SYT16: variants seen among roughly 807,000 people sequenced by gnomAD.
SYT16 encodes the protein synaptotagmin-16.
A neutral mutation model predicts 61.4 loss-of-function variants in SYT16; 42 were observed. The ratio of observed to expected loss-of-function variants is 0.68; its 90% CI spans 0.53 to 0.89. The LOEUF is 0.89. Among genes scored for constraint, SYT16 ranks in the 40% least tolerant of loss-of-function variants. SYT16 has a pLI of 0.00. For missense variants in SYT16, 804 were observed against 807.3 expected (o/e 1.00, Z 0.05); for synonymous variants, 314 against 302.3 (o/e 1.04, Z -0.40).
chr14:62,068,837 C>T (rs1320040351), intron 3 of SYT16, among the ~76,000 whole-genome samples: 4 of 152,038 alleles, frequency 2.6e-5, no homozygotes, highest in South Asian at 2.1e-4. Context: ...ACTCTGTCAC[C>T]GAGGCTGGAG....
intron 3 of SYT16, among the ~76,000 whole-genome samples, chr14:62,036,290 AG>A (rs1219904735): frequency 6.6e-6 from 1 of 152,122 alleles, no homozygotes; most frequent in Non-Finnish European, 1.5e-5. Flanking sequence ...ATCTGAAAAA[AG>A]AAAAGAGGTA....
chr14:61,888,119 TC>T (rs1412837879), intron 1 of SYT16, among the ~76,000 whole-genome samples: 1 of 148,098 alleles, frequency 6.8e-6, no homozygotes, highest in Non-Finnish European at 1.5e-5. Context: ...TAATTTCTTT[TC>T]TTTTCTTTTT....
chr14:61,832,045 A>G, intron 1 of SYT16: 1 of 707,502 alleles, frequency 1.4e-6, no homozygotes, highest in Admixed American at 2.0e-5. Flanking sequence ...CCAAGGAAGA[A>G]CATGGCAGCG....
intron 3 of SYT16, among the ~76,000 whole-genome samples, chr14:62,063,082 G>C (rs930610802): frequency 2.0e-5 from 3 of 152,200 alleles, no homozygotes; most frequent in Non-Finnish European, 4.4e-5. Context: ...TCCAGGCAGT[G>C]TTGTTAGCTC....
At chr14:61,942,392 T>A (rs974891115) in intron 1 of SYT16, among the ~76,000 whole-genome samples, 2 of 152,214 alleles carry the variant, frequency 1.3e-5, no homozygotes, top group African/African-American at 4.8e-5. Context: ...GTCAGGCTAG[T>A]TTACCATGTT....
In SYT16 at chr14:62,108,983, C is replaced by A. The variant is rs959635801; in HGVS notation, c.*8276C>A. ...TTCTTCCCCGTGAACATTTTGAACA[C>A]CACAGTGCTATATTTGTTACAACTG... On this transcript the variant is annotated 3_prime_UTR_variant, in exon 8 of 8. Coordinates refer to ENST00000683842, the MANE Select transcript of SYT16 (RefSeq NM_001367656.1). The A allele has an allele frequency of 2.0e-5, 3 of 152,132 alleles. No individual in the cohort carries two copies. Among genetic ancestry groups the A allele is most frequent in the African/African-American group, 7.2e-5 (3 of 41,414 alleles). 9.4% of individuals were successfully genotyped at this position (152,132 alleles called of 1,614,324 possible).
At chr14:61,995,349 T>C (rs1420581066) in intron 2 of SYT16, among the ~76,000 whole-genome samples, 4 of 152,096 alleles carry the variant, frequency 2.6e-5, no homozygotes, top group Non-Finnish European at 4.4e-5. Flanking sequence ...CAGCGATTGC[T>C]CCCCAAGAAT....
At chr14:61,969,518 T>G (rs2051456130) in intron 1 of SYT16, among the ~76,000 whole-genome samples, 1 of 152,180 alleles carries the variant, frequency 6.6e-6, no homozygotes, top group Non-Finnish European at 1.5e-5. Flanking sequence ...CTGCCAAAAT[T>G]CTAAAATATT....
At chr14:61,934,407 T>G (rs1412040361) in intron 1 of SYT16, among the ~76,000 whole-genome samples, 1 of 152,234 alleles carries the variant, frequency 6.6e-6, no homozygotes. Flanking sequence ...AACCTCTGTA[T>G]GACAAAAAAT....
intron 1 of SYT16, among the ~76,000 whole-genome samples, chr14:61,928,396 G>A (rs1566687866): frequency 6.6e-6 from 1 of 152,166 alleles, no homozygotes; most frequent in African/African-American, 2.4e-5. Context: ...TTGCTCTCTT[G>A]TTCTTGTTTT....
chr14:61,987,141 G>A (rs2052350957), intron 2 of SYT16, among the ~76,000 whole-genome samples: 1 of 152,150 alleles, frequency 6.6e-6, no homozygotes, highest in African/African-American at 2.4e-5. Context: ...AAAGTGAAGT[G>A]TAACCTGGGA....
At chr14:61,898,616 A>G (rs1193749544) in intron 1 of SYT16, among the ~76,000 whole-genome samples, 4 of 152,228 alleles carry the variant, frequency 2.6e-5, no homozygotes, top group African/African-American at 9.6e-5. Context: ...TTGGAACTGT[A>G]GAGCATCCAA....
At position 61,996,494 on chromosome 14, in the gene SYT16, G is replaced by T. The variant is rs1407919338; in HGVS notation, c.475G>T (p.Asp159Tyr). ...KQRSGLQHGF[D>Y]SQLPGTLETV... ...AAGAAGTGGCCTTCAACATGGCTTTGACAGCCAGCTCCCTGGTACTTTAGA... is the reference window on the plus strand; with the variant it reads ...AAGAAGTGGCCTTCAACATGGCTTTTACAGCCAGCTCCCTGGTACTTTAGA... Residue 159 changes from aspartate (D) to tyrosine (Y), a missense_variant, in exon 3 of 8, where the codon GAC becomes TAC. Asp to Tyr is a radical substitution (Grantham distance 160, BLOSUM62 -3). Coordinates refer to ENST00000683842, the MANE Select transcript of SYT16 (RefSeq NM_001367656.1). 6.2e-7 allele frequency: 1 copy of T among 1,612,972 alleles called. No homozygotes were observed. Among genetic ancestry groups the T allele is most frequent in the Admixed American group, 1.7e-5 (1 of 59,942 alleles).
At chr14:61,911,715 A>G (rs1161128979) in intron 1 of SYT16, among the ~76,000 whole-genome samples, 4 of 152,204 alleles carry the variant, frequency 2.6e-5, no homozygotes, top group African/African-American at 9.6e-5. Context: ...GTGCTTTGCA[A>G]AGGAAGTGGG....
intron 2 of SYT16, among the ~76,000 whole-genome samples, chr14:61,986,343 C>T (rs184049008): frequency 1.4e-4 from 21 of 151,664 alleles, no homozygotes; most frequent in African/African-American, 3.4e-4. Context: ...AATTTATAGA[C>T]ATTCTCATTC....
At chr14:62,096,054 C>T (rs2057263961) in intron 7 of SYT16, among the ~76,000 whole-genome samples, 1 of 151,768 alleles carries the variant, frequency 6.6e-6, no homozygotes, top group African/African-American at 2.4e-5. Flanking sequence ...AATTTAGATC[C>T]CTACCTCACA....
chr14:61,926,588 A>G (rs1325863128), intron 1 of SYT16, among the ~76,000 whole-genome samples: 2 of 152,216 alleles, frequency 1.3e-5, no homozygotes, highest in African/African-American at 2.4e-5. Context: ...TTAAAGAGCT[A>G]TAATGTGAAA....
At chr14:62,038,384 T>C (rs558494892) in intron 3 of SYT16, among the ~76,000 whole-genome samples, 2 of 150,810 alleles carry the variant, frequency 1.3e-5, no homozygotes, top group South Asian at 4.4e-4. Context: ...ATTAATCTAC[T>C]GGCCATGCAT....
intron 2 of SYT16, among the ~76,000 whole-genome samples, chr14:61,981,210 G>A: frequency 6.6e-6 from 1 of 152,148 alleles, no homozygotes; most frequent in East Asian, 1.9e-4. Flanking sequence ...AGGGCAATCT[G>A]CTTTGCATAG....
Sources: gnomAD v4.1 joint callset for allele counts (sites outside exome capture counted in the v4.1 genomes callset) on GRCh38, gnomAD v4.1.1 for gene constraint, MANE v1.5 for transcripts, NCBI Gene and HGNC (gene_info 2026-07-23, HGNC 2026-07-21) for gene names.